TNC: variants seen among roughly 807,000 people sequenced by gnomAD.
TNC encodes tenascin.
Under a neutral mutation model 202.4 loss-of-function variants are expected in TNC, and 109 were observed. That is an observed-to-expected ratio of 0.54 (90% CI 0.46 to 0.63). The LOEUF (loss-of-function observed/expected upper bound fraction) is 0.63, where lower values mean the gene tolerates loss of function less well. Ranked by LOEUF, TNC falls within the 30% of genes least tolerant of loss-of-function variation. The pLI is 0.00. For synonymous variants in TNC, 1,007 were observed against 1,089.7 expected, an observed-to-expected ratio of 0.92 and a Z score of 1.50; for missense variants, 2,756 against 2,833.3, an observed-to-expected ratio of 0.97 and a Z score of 0.62.
chr9:115,087,581 G>A lies in TNC; in HGVS notation c.458-308C>T, dbSNP rs189368103. ...GTGTGTGTGTATTTCCACCCCTGGGGAGCGGATTCATAGTTTTTGTCACAT... is the reference window on the plus strand; with the variant it reads ...GTGTGTGTGTATTTCCACCCCTGGGAAGCGGATTCATAGTTTTTGTCACAT... On this transcript the variant is annotated intron_variant, in intron 2 of 27. Coordinates refer to ENST00000350763, the MANE Select transcript of TNC (RefSeq NM_002160.4). Among the ~76,000 whole-genome samples the A allele has an allele frequency of 5.3e-4, 79 of 149,708 alleles. No homozygotes were observed. The East Asian group carries it at 0.013, about 24-fold the overall frequency.
intron 15 of TNC, chr9:115,055,629 C>A (rs1040217642): frequency 6.6e-6 from 1 of 152,316 alleles, no homozygotes; most frequent in Non-Finnish European, 1.5e-5. Flanking sequence ...TGGGGGTGAT[C>A]GGAATTACTA....
At chr9:115,042,111 AT>A in intron 18 of TNC, 107 bp downstream of exon 18, 1 of 1,455,808 alleles carries the variant, frequency 6.9e-7, no homozygotes, top group African/African-American at 1.4e-5. Context: ...TAAAGAATTC[AT>A]TTTCTTTGAT....
intron 13 of TNC, 103 bp from the exon 14 acceptor site, chr9:115,060,105 ATTTT>A (rs565244272): frequency 1.6e-5 from 18 of 1,105,760 alleles, no homozygotes; most frequent in Middle Eastern, 2.4e-4. Flanking sequence ...GGGAAAGATA[ATTTT>A]TTTTTTTAAT....
At chr9:115,097,761 G>T (rs558810962) in intron 1 of TNC, among the ~76,000 whole-genome samples, 1 of 152,300 alleles carries the variant, frequency 6.6e-6, no homozygotes, top group African/African-American at 2.4e-5. Context: ...TACATGCCAA[G>T]GTGGTGTAGC....
At chr9:115,089,089 A>G (rs893460029) in intron 2 of TNC, among the ~76,000 whole-genome samples, 15 of 152,142 alleles carry the variant, frequency 9.9e-5, no homozygotes, top group African/African-American at 3.6e-4. Context: ...CATTACTCCT[A>G]CTGTGTATTC....
chr9:115,086,253 C>T lies in TNC; in HGVS notation c.1478G>A (p.Gly493Glu), dbSNP rs1834719755. The T allele has an allele frequency of 6.2e-7, 1 of 1,614,232 alleles. No homozygotes were observed. Among genetic ancestry groups the T allele is most frequent in the Non-Finnish European group, 8.5e-7 (1 of 1,180,042 alleles). ...GMCVCDDGYT[G>E]EDCRDRQCPR... is the part of the protein sequence containing the mutation. ...GCATTGGCGATCCCGGCAGTCTTCCCCTGTGTAGCCGTCATCACAAACACA... is the reference window on the plus strand; with the variant it reads ...GCATTGGCGATCCCGGCAGTCTTCCTCTGTGTAGCCGTCATCACAAACACA... Residue 493 changes from glycine (G) to glutamate (E), a missense_variant, in exon 3 of 28, where the codon GGG becomes GAG. Around this residue, in one of 2 missense-constraint regions of TNC, gnomAD observed 2,559 missense variants for 2,546.0 expected, o/e 1.01. Coordinates refer to ENST00000350763, the MANE Select transcript of TNC (RefSeq NM_002160.4).
chr9:115,034,731 T>G (rs1023192458), intron 22 of TNC, among the ~76,000 whole-genome samples: 4 of 152,262 alleles, frequency 2.6e-5, no homozygotes, highest in Admixed American at 2.0e-4. Context: ...TTATTTCAAA[T>G]TAAAAGGTAA....
intron 9 of TNC, among the ~76,000 whole-genome samples, chr9:115,075,043 G>T (rs1445628260): frequency 2.6e-5 from 4 of 152,082 alleles, no homozygotes; most frequent in Non-Finnish European, 4.4e-5. Flanking sequence ...TAAATGTCCG[G>T]CCTTGCATCC....
At chr9:115,090,301 G>A (rs900123829) in intron 2 of TNC, among the ~76,000 whole-genome samples, 14 of 152,124 alleles carry the variant, frequency 9.2e-5, no homozygotes, top group Non-Finnish European at 1.6e-4. Context: ...TATAATTAAG[G>A]TAAAATAGGG....
chr9:115,101,452 A>G (rs907118302), intron 1 of TNC, among the ~76,000 whole-genome samples: 1 of 152,176 alleles, frequency 6.6e-6, no homozygotes, highest in Non-Finnish European at 1.5e-5. Flanking sequence ...ACCTCAGGTG[A>G]TCTGCCCACC....
chr9:115,071,041 G>A (rs1252249004), intron 10 of TNC, among the ~76,000 whole-genome samples: 1 of 152,208 alleles, frequency 6.6e-6, no homozygotes, highest in Non-Finnish European at 1.5e-5. Flanking sequence ...GTAGTGAGCA[G>A]AATGTTATCT....
At chr9:115,024,751 C>A (rs1829349426) in intron 26 of TNC, among the ~76,000 whole-genome samples, 1 of 152,192 alleles carries the variant, frequency 6.6e-6, no homozygotes, top group South Asian at 2.1e-4. Flanking sequence ...TTAAAGTATT[C>A]ATCAGACCAT....
Position 115,077,814 on chromosome 9 carries a change from C to T in TNC, c.2674+129G>A, listed in dbSNP as rs373938147. The T allele has an allele frequency of 1.2e-4, 110 of 929,042 alleles. No individual in the cohort carries two copies. The East Asian group carries it at 2.2e-3, about 19-fold the overall frequency. The allele number at this position is 929,042 out of a possible 1,614,324, so 57.5% of individuals were successfully genotyped here. A position where few individuals can be genotyped will look rare whatever the true frequency, so the allele number is the denominator to read the frequency against. On this transcript the variant is annotated intron_variant, in intron 7 of 27. Transcript: ENST00000350763. ...AATTGCTACAATATTTTAAAATTTA[C>T]AGGAGTAGAAATACCCCTTTCATTT...
chr9:115,084,748 T>C (rs540776283), intron 3 of TNC, among the ~76,000 whole-genome samples: 2 of 152,326 alleles, frequency 1.3e-5, no homozygotes, highest in African/African-American at 4.8e-5. Flanking sequence ...TCCTGGGTCT[T>C]AGCTCAGATG....
At chr9:115,038,048 G>A (rs1341338764) in intron 20 of TNC, among the ~76,000 whole-genome samples, 3 of 152,170 alleles carry the variant, frequency 2.0e-5, no homozygotes, top group African/African-American at 7.2e-5. Flanking sequence ...AACATGTAGA[G>A]GCTGGAGATG....
intron 15 of TNC, among the ~76,000 whole-genome samples, chr9:115,051,582 T>G (rs1427350763): frequency 6.6e-6 from 1 of 151,222 alleles, no homozygotes; most frequent in Non-Finnish European, 1.5e-5. Flanking sequence ...ATTTTTTTTT[T>G]AATCAAAAGA....
chr9:115,078,346 C>T, intron 6 of TNC, 134 bp from the exon 7 acceptor site: 2 of 1,059,972 alleles, frequency 1.9e-6, no homozygotes, highest in Non-Finnish European at 2.6e-6. Flanking sequence ...CTTTGCCTTT[C>T]TGAACCTTAG....
chr9:115,061,707 G>A (rs536532718), intron 13 of TNC, among the ~76,000 whole-genome samples: 4 of 152,336 alleles, frequency 2.6e-5, no homozygotes, highest in Admixed American at 2.0e-4. Flanking sequence ...GTAGAGTGGG[G>A]CATGGGCTTA....
intron 1 of TNC, among the ~76,000 whole-genome samples, chr9:115,105,694 G>A (rs1281446563): frequency 6.6e-6 from 1 of 152,152 alleles, no homozygotes; most frequent in African/African-American, 2.4e-5. Context: ...TAACTTAGCT[G>A]TGTAACTTTA....
Sources: gnomAD v4.1 joint callset for allele counts (sites outside exome capture counted in the v4.1 genomes callset) on GRCh38, gnomAD v4.1.1 for gene constraint, gnomAD v4.1.1 regional missense constraint, MANE v1.5 for transcripts, NCBI Gene and HGNC (gene_info 2026-07-23, HGNC 2026-07-21) for gene names.